ATR: variants seen among roughly 807,000 people sequenced by gnomAD.
The protein encoded by ATR is ATR checkpoint kinase, also known as serine/threonine-protein kinase ATR.
Under a neutral mutation model 305.3 loss-of-function variants are expected in ATR, and 142 were observed. The observed-to-expected ratio is 0.47, with a 90% CI of 0.41 to 0.53. The LOEUF (loss-of-function observed/expected upper bound fraction) is 0.53, where lower values mean the gene tolerates loss of function less well. Among genes scored for constraint, ATR ranks in the 20% least tolerant of loss-of-function variants. The probability of loss-of-function intolerance (pLI) is 0.00; values close to 1 mark genes in which losing one functional copy is unlikely to be tolerated. For synonymous variants in ATR, 1,050 were observed against 1,068.1 expected, an observed-to-expected ratio of 0.98 and a Z score of 0.33; for missense variants, 2,135 against 3,133.1, an observed-to-expected ratio of 0.68 and a Z score of 7.60.
chr3:142,528,332 T>C (rs376139513), intron 21 of ATR, among the ~76,000 whole-genome samples: 2 of 152,324 alleles, frequency 1.3e-5, no homozygotes, highest in East Asian at 3.9e-4. Flanking sequence ...TTTCTATATA[T>C]ATCTTCTTAA....
rs1269356794 is a variant in ATR at position 142,458,955 on chromosome 3, TAC to T, written c.7503+1_7503+2del. The stretch of plus-strand genomic sequence containing the variant: ...ATTAGTAAGAGTAACTCATATCACA[TAC>T]CTTATTGAAAAGACAATTGAAATCT... On this transcript the variant is annotated splice_donor_variant, in intron 44 of 46. Transcript: ENST00000350721. LOFTEE classifies it high-confidence loss of function. 1.2e-6 allele frequency: 2 copies of T among 1,613,412 alleles called. No homozygotes were observed. Among genetic ancestry groups the T allele is most frequent in the Admixed American group, 3.3e-5 (2 of 60,002 alleles).
chr3:142,512,220 T>TAAAAA (rs74269486), intron 27 of ATR, 40 bp downstream of exon 27: 22 of 1,245,924 alleles, frequency 1.8e-5, no homozygotes, highest in African/African-American at 5.1e-5. Flanking sequence ...GGTGAATAGC[T>TAAAAA]AAAAAAAAAA....
At chr3:142,575,151 C>T (rs975750591) in intron 1 of ATR, among the ~76,000 whole-genome samples, 1 of 152,112 alleles carries the variant, frequency 6.6e-6, no homozygotes, top group Non-Finnish European at 1.5e-5. Context: ...CTTGCCTACC[C>T]CTCCCTGTTT....
chr3:142,489,549 A>G (rs1317727121), intron 35 of ATR, among the ~76,000 whole-genome samples: 1 of 152,188 alleles, frequency 6.6e-6, no homozygotes, highest in Non-Finnish European at 1.5e-5. Flanking sequence ...TGTCACATAA[A>G]TGAAATCATA....
At chr3:142,477,848 C>A (rs1259881309) in intron 36 of ATR, among the ~76,000 whole-genome samples, 1 of 152,142 alleles carries the variant, frequency 6.6e-6, no homozygotes, top group African/African-American at 2.4e-5. Flanking sequence ...GGAATTTATC[C>A]ATTTCTTCTA....
chr3:142,492,628 T>C (rs2031357226), intron 35 of ATR, among the ~76,000 whole-genome samples: 1 of 152,194 alleles, frequency 6.6e-6, no homozygotes, highest in African/African-American at 2.4e-5. Flanking sequence ...ACCTTTATTT[T>C]CTTCGAATAT....
rs1177941893 is a variant in ATR, at chr3:142,567,964, C to T, written c.151+99G>A. 6.2e-6 allele frequency: 6 copies of T among 961,508 alleles called. No individual in the cohort carries two copies. The African/African-American group carries it at 8.3e-5, about 13-fold the overall frequency. 59.6% of individuals were successfully genotyped at this position (961,508 alleles called of 1,614,324 possible). ...AAAATAGTAACTATCATAAATACTCCATATCTAAAACTACATGGAGAAAAT... is the reference window on the plus strand; with the variant it reads ...AAAATAGTAACTATCATAAATACTCTATATCTAAAACTACATGGAGAAAAT... On this transcript the variant is annotated intron_variant, in intron 2 of 46. Coordinates refer to ENST00000350721, the MANE Select transcript of ATR (RefSeq NM_001184.4).
chr3:142,514,684 G>A (rs1283611894), intron 25 of ATR, among the ~76,000 whole-genome samples: 5 of 150,590 alleles, frequency 3.3e-5, no homozygotes, highest in African/African-American at 9.8e-5. Context: ...ACTCATGCCT[G>A]TAATCCCAGC....
intron 1 of ATR, among the ~76,000 whole-genome samples, chr3:142,569,266 A>G (rs1311270487): frequency 6.6e-6 from 1 of 152,032 alleles, no homozygotes; most frequent in Non-Finnish European, 1.5e-5. Flanking sequence ...AAGGGTTCCA[A>G]TTTCTCCACA....
At chr3:142,574,814 C>T (rs1418444565) in intron 1 of ATR, among the ~76,000 whole-genome samples, 1 of 152,174 alleles carries the variant, frequency 6.6e-6, no homozygotes, top group Non-Finnish European at 1.5e-5. Flanking sequence ...TGATACAAAA[C>T]TGACTCCCTA....
chr3:142,479,729 A>C (rs2030274476), intron 36 of ATR, among the ~76,000 whole-genome samples: 1 of 152,188 alleles, frequency 6.6e-6, no homozygotes, highest in Non-Finnish European at 1.5e-5. Context: ...TACACCAATC[A>C]GACATAGATT....
At chr3:142,567,969 C>G in intron 2 of ATR, 94 bp downstream of exon 2, 3 of 1,054,924 alleles carry the variant, frequency 2.8e-6, no homozygotes, top group Non-Finnish European at 4.1e-6. Context: ...TACTCCATAT[C>G]TAAAACTACA....
rs1233303480 is a variant in ATR at position 142,578,693 on chromosome 3, A to G, written c.12T>C (p.His4=). The change falls in exon 1 of 47, where the codon CAT becomes CAC. Residue 4 remains histidine, a synonymous_variant. Coordinates refer to ENST00000350721, the MANE Select transcript of ATR (RefSeq NM_001184.4). ...GGATCATGGAAGCCAGCTCCAGGCC[A>G]TGTTCCCCCATGCTGAGGCTGCGAG... MGE[H]GLELASMIPA... The G allele has an allele frequency of 6.8e-6, 11 of 1,613,276 alleles. No homozygotes were observed. The highest frequency in any genetic ancestry group is 8.5e-6 in the Non-Finnish European group (10 of 1,179,776).
At position 142,513,752 on chromosome 3, in the gene ATR, G is replaced by T. The variant is rs1056704894; in HGVS notation, c.4504-114C>A. 29 of 1,142,292 alleles carry T rather than the reference G, an allele frequency of 2.5e-5. No individual in the cohort carries two copies. In the African/African-American group the frequency reaches 4.4e-4, roughly 17 times the overall value. 70.8% of individuals were successfully genotyped at this position (1,142,292 alleles called of 1,614,324 possible). ...GAGTATTCATTTTTAAATTTAAAAAGTTTTTTAATTAATTTTTTAATTAAA... is the reference window on the plus strand; with the variant it reads ...GAGTATTCATTTTTAAATTTAAAAATTTTTTTAATTAATTTTTTAATTAAA... On this transcript the variant is annotated intron_variant, in intron 25 of 46. Transcript: ENST00000350721.
chr3:142,510,115 GA>G (rs397760180), intron 27 of ATR, among the ~76,000 whole-genome samples: 43 of 95,292 alleles, frequency 4.5e-4, no homozygotes, highest in South Asian at 1.4e-3. Context: ...GACTGTCTCA[GA>G]AAAAAAAAAA....
chr3:142,459,437 A>G (rs1577497536), intron 42 of ATR, 54 bp from the exon 43 acceptor site: 2 of 1,601,598 alleles, frequency 1.2e-6, no homozygotes, highest in African/African-American at 1.3e-5. Flanking sequence ...AAAAAGGGGC[A>G]AAGTTTTTTT....
In ATR at chr3:142,498,691, A is replaced by G. The variant is rs1299303517; in HGVS notation, c.5464T>C (p.Ser1822Pro). The G allele has an allele frequency of 1.2e-6, 2 of 1,613,930 alleles. No individual in the cohort carries two copies. The highest frequency in any genetic ancestry group is 1.7e-6 in the Non-Finnish European group (2 of 1,179,964). The change falls in exon 32 of 47, where the codon TCA (serine) becomes CCA (proline). Residue 1822 changes from serine to proline, a missense_variant. Coordinates refer to ENST00000350721, the MANE Select transcript of ATR (RefSeq NM_001184.4). Reference sequence around the variant, plus strand: ...TGTTCTGCTCTCACTAGTTTCAGTGAGTCATAAAAAGCTGTGATATCTCTT... The same window carrying G: ...TGTTCTGCTCTCACTAGTTTCAGTGGGTCATAAAAAGCTGTGATATCTCTT... ...KKRDITAFYDSLKLVRAEQIV... is the reference protein window; with the variant it reads ...KKRDITAFYDPLKLVRAEQIV...
At chr3:142,493,902 T>C (rs1019061322) in intron 34 of ATR, among the ~76,000 whole-genome samples, 4 of 150,828 alleles carry the variant, frequency 2.7e-5, no homozygotes, top group Non-Finnish European at 4.4e-5. Context: ...CATGATGGCT[T>C]ATGCTTATAG....
At chr3:142,543,673 CTCT>C (rs1301550350) in intron 16 of ATR, among the ~76,000 whole-genome samples, 1 of 148,232 alleles carries the variant, frequency 6.7e-6, no homozygotes, top group African/African-American at 2.5e-5. Context: ...CTTTTCTCTC[CTCT>C]TCTTTTCTTC....
Sources: gnomAD v4.1 joint callset for allele counts (sites outside exome capture counted in the v4.1 genomes callset) on GRCh38, gnomAD v4.1.1 for gene constraint, MANE v1.5 for transcripts, NCBI Gene and HGNC (gene_info 2026-07-23, HGNC 2026-07-21) for gene names.